ZFAND3: variants seen among roughly 807,000 people sequenced by gnomAD.
ZFAND3 encodes the protein AN1-type zinc finger protein 3.
ZFAND3 carries 10 observed loss-of-function variants against 29.6 expected under a neutral mutation model. The observed-to-expected ratio is 0.34, with a 90% CI of 0.21 to 0.57. The LOEUF (loss-of-function observed/expected upper bound fraction) is 0.57, where lower values mean the gene tolerates loss of function less well. Among genes scored for constraint, ZFAND3 ranks in the 20% least tolerant of loss-of-function variants. The probability of loss-of-function intolerance (pLI) is 0.86; values close to 1 mark genes in which losing one functional copy is unlikely to be tolerated. For missense variants in ZFAND3, 230 were observed against 304.5 expected, an observed-to-expected ratio of 0.76 and a Z score of 1.82; for synonymous variants, 128 against 112.6, an observed-to-expected ratio of 1.14 and a Z score of -0.87.
chr6:38,145,234 G>T (rs1387537726), intron 5 of ZFAND3, among the ~76,000 whole-genome samples: 1 of 152,222 alleles, frequency 6.6e-6, no homozygotes, highest in Non-Finnish European at 1.5e-5. Context: ...TGGTTCAGCT[G>T]CCCTCTGTGC....
intron 2 of ZFAND3, among the ~76,000 whole-genome samples, chr6:37,967,338 CTATTT>C (rs1259857112): frequency 6.6e-6 from 1 of 152,148 alleles, no homozygotes; most frequent in Non-Finnish European, 1.5e-5. Flanking sequence ...CATTCTATGT[CTATTT>C]TGAGTAGTTT....
At chr6:38,145,228 T>TGCA (rs1449325992) in intron 5 of ZFAND3, among the ~76,000 whole-genome samples, 1 of 152,246 alleles carries the variant, frequency 6.6e-6, no homozygotes, top group East Asian at 1.9e-4. Flanking sequence ...TTGACTTGGT[T>TGCA]CAGCTGCCCT....
rs371755552 is a variant in ZFAND3, at chr6:38,154,595, G to GA, written c.*2216dup. The stretch of plus-strand genomic sequence containing the variant: ...TAACTTTATTCTTTTTTCTCCTGCT[G>GA]AAAAAAAAAATTAAACCAATCGTAT... On this transcript the variant is annotated 3_prime_UTR_variant, in exon 6 of 6. Transcript: ENST00000287218. 4,256 of 899,858 alleles carry GA rather than the reference G, an allele frequency of 4.7e-3. No individual in the cohort carries two copies. The highest frequency in any genetic ancestry group is 5.9e-3 in the South Asian group (116 of 19,560). 55.7% of individuals were successfully genotyped at this position (899,858 alleles called of 1,614,324 possible). A position where few individuals can be genotyped will look rare whatever the true frequency, so the allele number is the denominator to read the frequency against.
intron 1 of ZFAND3, among the ~76,000 whole-genome samples, chr6:37,864,764 CA>C (rs1764557279): frequency 6.7e-6 from 1 of 148,982 alleles, no homozygotes; most frequent in African/African-American, 2.5e-5. Flanking sequence ...CACACACACA[CA>C]CACACATGCA....
At chr6:37,873,234 G>T (rs1307419500) in intron 1 of ZFAND3, among the ~76,000 whole-genome samples, 1 of 152,248 alleles carries the variant, frequency 6.6e-6, no homozygotes, top group Non-Finnish European at 1.5e-5. Context: ...TCACGCCACT[G>T]CATTCAGCCT....
At chr6:38,036,752 T>A (rs1763665136) in intron 2 of ZFAND3, among the ~76,000 whole-genome samples, 1 of 152,076 alleles carries the variant, frequency 6.6e-6, no homozygotes, top group Non-Finnish European at 1.5e-5. Flanking sequence ...AATATATGAG[T>A]ATATATTTTT....
At chr6:38,040,381 A>G (rs978689114) in intron 2 of ZFAND3, among the ~76,000 whole-genome samples, 1 of 152,052 alleles carries the variant, frequency 6.6e-6, no homozygotes, top group African/African-American at 2.4e-5. Context: ...AATATTCTTA[A>G]AGTTCATTCA....
At chr6:37,825,389 G>T (rs1480220723) in intron 1 of ZFAND3, among the ~76,000 whole-genome samples, 1 of 152,194 alleles carries the variant, frequency 6.6e-6, no homozygotes, top group Non-Finnish European at 1.5e-5. Context: ...TGCATCTGAA[G>T]ATAAAACATG....
intron 2 of ZFAND3, among the ~76,000 whole-genome samples, chr6:37,990,804 G>A (rs764785151): frequency 2.6e-4 from 39 of 152,300 alleles, no homozygotes; most frequent in Middle Eastern, 3.4e-3. Context: ...AATGACAGCT[G>A]TTTCACATGG....
intron 1 of ZFAND3, among the ~76,000 whole-genome samples, chr6:37,897,587 T>C (rs536170754): frequency 8.2e-4 from 125 of 152,322 alleles, no homozygotes; most frequent in African/African-American, 2.8e-3. Context: ...GTAGTGGCTA[T>C]ACCAGTTTAC....
intron 1 of ZFAND3, among the ~76,000 whole-genome samples, chr6:37,874,102 C>T (rs1215637333): frequency 1.3e-5 from 2 of 152,030 alleles, no homozygotes; most frequent in Non-Finnish European, 2.9e-5. Context: ...AGGGTTTGTT[C>T]CTCTTCAGGC....
chr6:37,830,011 A>T (rs1763831658), intron 1 of ZFAND3, among the ~76,000 whole-genome samples: 1 of 152,230 alleles, frequency 6.6e-6, no homozygotes, highest in Non-Finnish European at 1.5e-5. Context: ...TAAACTTTCT[A>T]GGATTATATA....
intron 2 of ZFAND3, among the ~76,000 whole-genome samples, chr6:38,015,376 A>G (rs1322998045): frequency 6.6e-6 from 1 of 152,242 alleles, no homozygotes; most frequent in Non-Finnish European, 1.5e-5. Context: ...GGGTGTAAGA[A>G]TTGAATACTG....
At chr6:37,930,140 TTTCA>T in intron 2 of ZFAND3, 141 bp downstream of exon 2, 1 of 821,258 alleles carries the variant, frequency 1.2e-6, no homozygotes, top group Non-Finnish European at 1.8e-6. Context: ...GAGAAAGCAG[TTTCA>T]CCTTACCAAG....
chr6:37,965,019 G>C (rs1447444703), intron 2 of ZFAND3, among the ~76,000 whole-genome samples: 1 of 152,154 alleles, frequency 6.6e-6, no homozygotes, highest in East Asian at 1.9e-4. Context: ...GAAAATTAGT[G>C]TGTTGCTTTT....
intron 1 of ZFAND3, among the ~76,000 whole-genome samples, chr6:37,831,801 C>T (rs1763866899): frequency 6.6e-6 from 1 of 152,132 alleles, no homozygotes; most frequent in Admixed American, 6.5e-5. Flanking sequence ...ATGTTAGCTG[C>T]AGTGTATGGC....
chr6:38,077,900 A>T (rs1191266911), intron 3 of ZFAND3, among the ~76,000 whole-genome samples: 1 of 152,226 alleles, frequency 6.6e-6, no homozygotes, highest in Non-Finnish European at 1.5e-5. Context: ...TGACCACTAC[A>T]TGAGTAGGTA....
At chr6:38,072,500 A>G (rs1236597344) in intron 3 of ZFAND3, among the ~76,000 whole-genome samples, 1 of 152,226 alleles carries the variant, frequency 6.6e-6, no homozygotes, top group Non-Finnish European at 1.5e-5. Context: ...TCTCTGTGAA[A>G]GTAAAGGTCA....
At chr6:38,074,031 C>G (rs890936203) in intron 3 of ZFAND3, among the ~76,000 whole-genome samples, 67 of 152,154 alleles carry the variant, frequency 4.4e-4, no homozygotes, top group African/African-American at 1.4e-3. Context: ...AGAAATAAGT[C>G]AGTTGGCACG....
Sources: gnomAD v4.1 joint callset for allele counts (sites outside exome capture counted in the v4.1 genomes callset) on GRCh38, gnomAD v4.1.1 for gene constraint, MANE v1.5 for transcripts, NCBI Gene and HGNC (gene_info 2026-07-23, HGNC 2026-07-21) for gene names.